PRH1: variants seen among roughly 807,000 people sequenced by gnomAD.
PRH1 encodes the protein salivary acidic proline-rich phosphoprotein 1/2.
In PRH1, 7 loss-of-function variants were observed where a neutral mutation model predicts 7.9. The ratio of observed to expected loss-of-function variants is 0.89; its 90% CI spans 0.50 to 1.67. The LOEUF (loss-of-function observed/expected upper bound fraction) is 1.67, where lower values mean the gene tolerates loss of function less well. Ranked by LOEUF, PRH1 falls within the 40% of genes most tolerant of loss-of-function variation. The pLI is 0.00. For missense variants in PRH1, 109 were observed against 223.6 expected (o/e 0.49, Z 3.27); for synonymous variants, 45 against 80.8 (o/e 0.56, Z 2.38).
intron 1 of PRH1, among the ~76,000 whole-genome samples, chr12:11,069,391 C>A (rs1172360721): frequency 6.6e-6 from 1 of 151,262 alleles, no homozygotes; most frequent in East Asian, 1.9e-4. Context: ...AGATCACCAA[C>A]ACAACAGGCA....
intron 2 of PRH1, among the ~76,000 whole-genome samples, chr12:10,926,692 C>G (rs928989004): frequency 5.3e-5 from 8 of 152,080 alleles, no homozygotes; most frequent in Admixed American, 1.3e-4. Flanking sequence ...AAAGATCATG[C>G]AAGTGGACAC....
chr12:10,884,141 C>A lies in PRH1; in HGVS notation c.64+13G>T. ...CAATCAGAGTCACAATATCTTCCCCCAATTCATCTTACCTTCATTTAAATC... is the reference window on the plus strand; with the variant it reads ...CAATCAGAGTCACAATATCTTCCCCAAATTCATCTTACCTTCATTTAAATC... On this transcript the variant is annotated intron_variant, in intron 1 of 3. Transcript: ENST00000543626. 6.2e-7 allele frequency: 1 copy of A among 1,614,176 alleles called. No homozygotes were observed. The highest frequency in any genetic ancestry group is 8.5e-7 in the Non-Finnish European group (1 of 1,180,012).
chr12:10,975,409 G>T (rs1388132894), intron 1 of PRH1, among the ~76,000 whole-genome samples: 1 of 152,140 alleles, frequency 6.6e-6, no homozygotes, highest in Admixed American at 6.5e-5. Context: ...TGCCTCACAA[G>T]GGGTCCTGAA....
intron 1 of PRH1, among the ~76,000 whole-genome samples, chr12:11,162,084 C>T (rs1294901013): frequency 1.3e-5 from 2 of 152,166 alleles, no homozygotes; most frequent in African/African-American, 4.8e-5. Flanking sequence ...CGTACCTTCT[C>T]CAGGAAGGTA....
chr12:11,133,934 A>G, intron 1 of PRH1: 2 of 1,614,188 alleles, frequency 1.2e-6, no homozygotes, highest in Non-Finnish European at 1.7e-6. Context: ...CAAATAAAAC[A>G]TGCTGAGGCT....
chr12:10,948,817 C>G (rs937140948), intron 2 of PRH1, among the ~76,000 whole-genome samples: 1 of 152,062 alleles, frequency 6.6e-6, no homozygotes, highest in African/African-American at 2.4e-5. Flanking sequence ...CCAGGGAGAG[C>G]CTTTGTGTAG....
chr12:10,952,176 A>G (rs1937711699), intron 2 of PRH1, among the ~76,000 whole-genome samples: 1 of 152,198 alleles, frequency 6.6e-6, no homozygotes, highest in Admixed American at 6.5e-5. Flanking sequence ...TGATACAGAG[A>G]GGTTACCTGT....
intron 1 of PRH1, among the ~76,000 whole-genome samples, chr12:11,160,322 T>C (rs1947376050): frequency 6.6e-6 from 1 of 152,208 alleles, no homozygotes; most frequent in Non-Finnish European, 1.5e-5. Context: ...ATATAAATAA[T>C]TTGTATGCAA....
At chr12:11,110,934 C>T (rs1945572925) in intron 1 of PRH1, among the ~76,000 whole-genome samples, 1 of 152,040 alleles carries the variant, frequency 6.6e-6, no homozygotes, top group African/African-American at 2.4e-5. Context: ...CACAAATAGT[C>T]TCAACATAAA....
chr12:10,943,769 G>C (rs1254113934), intron 2 of PRH1, among the ~76,000 whole-genome samples: 1 of 152,118 alleles, frequency 6.6e-6, no homozygotes, highest in Non-Finnish European at 1.5e-5. Context: ...AAGAATTTCA[G>C]ATTTGATCTT....
chr12:11,080,863 A>G (rs796170764), intron 1 of PRH1, among the ~76,000 whole-genome samples: 1,572 of 77,182 alleles, frequency 0.02, 5 homozygotes, highest in Non-Finnish European at 0.03. Flanking sequence ...CTGCTTCCAT[A>G]TTTTCTGTTA....
chr12:11,171,238 G>T, intron 1 of PRH1: 1 of 601,946 alleles, frequency 1.7e-6, no homozygotes, highest in Non-Finnish European at 2.4e-6. Flanking sequence ...GGCAAGCTTG[G>T]GTGTGAGCCC....
At chr12:11,093,668 C>CAGT (rs1944998623) in intron 1 of PRH1, among the ~76,000 whole-genome samples, 1 of 115,464 alleles carries the variant, frequency 8.7e-6, no homozygotes, top group African/African-American at 2.9e-5. Context: ...TAGAATCCTG[C>CAGT]AGTATCCTCC....
downstream of PRH1, among the ~76,000 whole-genome samples, chr12:11,120,661 T>A (rs530127896): frequency 7.2e-5 from 11 of 152,294 alleles, no homozygotes; most frequent in East Asian, 1.9e-4. Context: ...GTTTTTTTTT[T>A]AAATATTTTA....
intron 1 of PRH1, among the ~76,000 whole-genome samples, chr12:11,113,247 T>G (rs1204031831): frequency 6.6e-6 from 1 of 152,078 alleles, no homozygotes; most frequent in East Asian, 1.9e-4. Context: ...AAAGAGCCCG[T>G]GTAGCCAAGA....
At chr12:11,071,851 G>A (rs9803002) in intron 1 of PRH1, among the ~76,000 whole-genome samples, 32,533 of 147,160 alleles carry the variant, frequency 0.22, no homozygotes, top group East Asian at 0.46. Context: ...AAGCTTGCAG[G>A]AGGACCCTCT....
Position 10,938,772 on chromosome 12 carries a change from C to T in PRH1, c.-59+34883G>A. ...GCATTTATATGGATGTTTATCAGTGCAATATTTAAAAACAAGAAGACCGAA... is the reference window on the plus strand; with the variant it reads ...GCATTTATATGGATGTTTATCAGTGTAATATTTAAAAACAAGAAGACCGAA... On this transcript the variant is annotated intron_variant, in intron 2 of 3. Coordinates refer to the PRH1 transcript ENST00000539853. 1.2e-6 allele frequency: 2 copies of T among 1,613,462 alleles called. No homozygotes were observed. Among genetic ancestry groups the T allele is most frequent in the Non-Finnish European group, 1.7e-6 (2 of 1,179,888 alleles).
intron 1 of PRH1, among the ~76,000 whole-genome samples, chr12:11,071,750 G>A (rs1944079821): frequency 1.3e-5 from 2 of 152,144 alleles, no homozygotes; most frequent in South Asian, 2.1e-4. Flanking sequence ...CGGCTGGACT[G>A]ACAAGCAAAA....
intron 1 of PRH1, among the ~76,000 whole-genome samples, chr12:10,978,445 C>T (rs1166198899): frequency 6.6e-6 from 1 of 152,012 alleles, no homozygotes; most frequent in African/African-American, 2.4e-5. Context: ...AATGTAAAAC[C>T]TAAAACTGTA....
Sources: gnomAD v4.1 joint callset for allele counts (sites outside exome capture counted in the v4.1 genomes callset) on GRCh38, gnomAD v4.1.1 for gene constraint, MANE v1.5 for transcripts, NCBI Gene and HGNC (gene_info 2026-07-23, HGNC 2026-07-21) for gene names.